MICU3: variants seen among roughly 807,000 people sequenced by gnomAD.
The protein encoded by MICU3 is mitochondrial calcium uptake 3.
A neutral mutation model predicts 66.5 loss-of-function variants in MICU3; 62 were observed. The observed-to-expected ratio is 0.93, with a 90% confidence interval of 0.76 to 1.15. MICU3 has a LOEUF of 1.15. MICU3 is among the 50% of genes most tolerant of loss of function. The probability of loss-of-function intolerance (pLI) is 0.00; values close to 1 mark genes in which losing one functional copy is unlikely to be tolerated. For missense variants in MICU3, 779 were observed against 664.4 expected (o/e 1.17, Z -1.90); for synonymous variants, 308 against 240.7 (o/e 1.28, Z -2.59).
rs752565476 is a variant in MICU3, at chr8:17,105,550, T to C, written c.1223T>C (p.Leu408Ser). The change falls in exon 11 of 15, where the codon TTA becomes TCA. Residue 408 changes from leucine (L) to serine (S), a missense_variant. Coordinates refer to ENST00000318063, the MANE Select transcript of MICU3 (RefSeq NM_181723.3). ...YTNVENTSVF[L>S]ENVRYSIPEE... ...AATGTGGAAAATACATCAGTATTTT[T>C]AGAAAATGTGCGTTACAGTATACCT... The C allele has an allele frequency of 7.0e-6, 11 of 1,565,772 alleles. No individual in the cohort carries two copies. The East Asian group carries it at 1.8e-4, about 26-fold the overall frequency.
At chr8:17,096,549 A>C (rs1800713451) in intron 8 of MICU3, among the ~76,000 whole-genome samples, 1 of 151,850 alleles carries the variant, frequency 6.6e-6, no homozygotes, top group Admixed American at 6.6e-5. Context: ...CTGCAGCAGT[A>C]GTTGCTGTAA....
At chr8:17,061,018 T>C (rs1011719489) in intron 1 of MICU3, among the ~76,000 whole-genome samples, 3 of 152,174 alleles carry the variant, frequency 2.0e-5, no homozygotes, top group African/African-American at 7.2e-5. Context: ...ATACCCTTAC[T>C]TAGGTGGTTA....
chr8:17,030,169 C>A (rs1052426781), intron 1 of MICU3, among the ~76,000 whole-genome samples: 3 of 152,126 alleles, frequency 2.0e-5, no homozygotes, highest in Non-Finnish European at 4.4e-5. Flanking sequence ...GTTTTGCCTT[C>A]TAAGGATATA....
intron 1 of MICU3, among the ~76,000 whole-genome samples, chr8:17,052,940 TA>T (rs1282432331): frequency 1.3e-5 from 2 of 152,210 alleles, no homozygotes; most frequent in Non-Finnish European, 2.9e-5. Context: ...TTTGCAAGAT[TA>T]TTTTTTATGT....
chr8:17,069,102 C>G, intron 2 of MICU3, among the ~76,000 whole-genome samples: 1 of 152,152 alleles, frequency 6.6e-6, no homozygotes, highest in South Asian at 2.1e-4. Context: ...AGCTGTAACA[C>G]TCTTACTCCA....
At chr8:17,059,094 A>G (rs1016500277) in intron 1 of MICU3, among the ~76,000 whole-genome samples, 9 of 152,246 alleles carry the variant, frequency 5.9e-5, no homozygotes, top group Non-Finnish European at 8.8e-5. Flanking sequence ...TGTTGACATT[A>G]AATATTCATC....
chr8:17,117,538 A>G (rs1391052296), intron 13 of MICU3, among the ~76,000 whole-genome samples: 1 of 151,972 alleles, frequency 6.6e-6, no homozygotes, highest in Non-Finnish European at 1.5e-5. Flanking sequence ...AAGAGAAAAA[A>G]TGTTCTGTTA....
chr8:17,062,794 G>C (rs956961084), intron 1 of MICU3, among the ~76,000 whole-genome samples: 1 of 151,742 alleles, frequency 6.6e-6, no homozygotes, highest in Non-Finnish European at 1.5e-5. Flanking sequence ...CAGGAGAGTC[G>C]CTTGAACCTG....
At chr8:17,060,801 ATTTT>A (rs35051264) in intron 1 of MICU3, among the ~76,000 whole-genome samples, 1 of 142,300 alleles carries the variant, frequency 7.0e-6, no homozygotes. Flanking sequence ...TTAGGATATA[ATTTT>A]TTTTTTTTTT....
chr8:17,057,130 A>G (rs773804533), intron 1 of MICU3, among the ~76,000 whole-genome samples: 16 of 152,246 alleles, frequency 1.1e-4, no homozygotes, highest in Non-Finnish European at 2.2e-4. Flanking sequence ...AGCTTTAAAC[A>G]GACAGAGTTT....
intron 1 of MICU3, among the ~76,000 whole-genome samples, chr8:17,040,189 T>C (rs953990281): frequency 7.9e-5 from 12 of 152,212 alleles, no homozygotes; most frequent in African/African-American, 2.7e-4. Context: ...ATTATAGGCA[T>C]GAGCCACTGT....
intron 1 of MICU3, among the ~76,000 whole-genome samples, chr8:17,033,103 C>T (rs1427136251): frequency 6.6e-6 from 1 of 152,156 alleles, no homozygotes; most frequent in Admixed American, 6.5e-5. Context: ...AGTTACTAAT[C>T]CTAGAATGGC....
At chr8:17,037,820 G>C (rs1431607848) in intron 1 of MICU3, among the ~76,000 whole-genome samples, 1 of 152,202 alleles carries the variant, frequency 6.6e-6, no homozygotes, top group East Asian at 1.9e-4. Context: ...CAAGGCCGTG[G>C]GAGCCTACCT....
chr8:17,090,947 G>T (rs1480607882), intron 8 of MICU3, among the ~76,000 whole-genome samples: 1 of 152,054 alleles, frequency 6.6e-6, no homozygotes, highest in Non-Finnish European at 1.5e-5. Context: ...TTATGAACCA[G>T]ATCTATCCAC....
chr8:17,031,913 T>TAAA, intron 1 of MICU3, among the ~76,000 whole-genome samples: 1 of 152,230 alleles, frequency 6.6e-6, no homozygotes. Context: ...TGTCTTTTTT[T>TAAA]GTAATTATTT....
chr8:17,091,124 A>G (rs1800002990), intron 8 of MICU3, among the ~76,000 whole-genome samples: 1 of 152,066 alleles, frequency 6.6e-6, no homozygotes, highest in South Asian at 2.1e-4. Flanking sequence ...ATATCAGTTT[A>G]TCATATTATT....
intron 1 of MICU3, among the ~76,000 whole-genome samples, chr8:17,063,558 G>C (rs1818201994): frequency 5.3e-5 from 8 of 152,100 alleles, no homozygotes; most frequent in Admixed American, 5.2e-4. Flanking sequence ...CCACTATACT[G>C]TAGTGATCTG....
chr8:17,031,262 T>TTTTTTATTATTATTATTATTA (rs111800861), intron 1 of MICU3, among the ~76,000 whole-genome samples: 2 of 139,194 alleles, frequency 1.4e-5, no homozygotes, highest in African/African-American at 5.4e-5. Flanking sequence ...TGCCACTTCA[T>TTTTTTATTATTATTATTATTA]TTATTATTAT....
intron 4 of MICU3, among the ~76,000 whole-genome samples, chr8:17,079,705 G>T (rs1336491809): frequency 1.3e-5 from 2 of 151,808 alleles, no homozygotes; most frequent in East Asian, 3.9e-4. Flanking sequence ...TGTTGCCCAG[G>T]CTGGTTTTGA....
Sources: allele counts gnomAD v4.1 joint callset (sites outside exome capture counted in the v4.1 genomes callset), GRCh38; gene constraint gnomAD v4.1.1; transcripts MANE v1.5; gene names NCBI Gene and HGNC (gene_info 2026-07-23, HGNC 2026-07-21).